PLEKHH1: variants seen among roughly 807,000 people sequenced by gnomAD.
PLEKHH1 encodes pleckstrin homology, MyTH4 and FERM domain containing H1.
Under a neutral mutation model 160.0 loss-of-function variants are expected in PLEKHH1, and 104 were observed. The observed-to-expected ratio is 0.65, with a 90% CI of 0.55 to 0.76. The LOEUF (loss-of-function observed/expected upper bound fraction) is 0.76. PLEKHH1 is among the 30% of genes least tolerant of loss of function. The pLI is 0.00. For missense variants in PLEKHH1, 1,427 were observed against 1,724.1 expected (o/e 0.83, Z 3.05); for synonymous variants, 619 against 678.4 (o/e 0.91, Z 1.36).
rs2035507088 is a variant in PLEKHH1 at position 67,574,014 on chromosome 14, G to A, written c.1926+127G>A. The A allele has an allele frequency of 2.7e-6, 2 of 752,118 alleles. No homozygotes were observed. The highest frequency in any genetic ancestry group is 2.2e-5 in the Admixed American group (1 of 44,540). The allele number at this position is 752,118 out of a possible 1,614,324, so 46.6% of individuals were successfully genotyped here. A position where few individuals can be genotyped will look rare whatever the true frequency, so the allele number is the denominator to read the frequency against. On this transcript the variant is annotated intron_variant, in intron 13 of 28. Coordinates refer to ENST00000329153, the MANE Select transcript of PLEKHH1 (RefSeq NM_020715.3). The surrounding 1 kb of genome is among the most constrained non-coding windows in gnomAD (Gnocchi z 4.2). ...AGACTTCAGATCAACATTTGGACGT[G>A]ATCCTAACTTGTGAGTACAAGAAAG...
intron 2 of PLEKHH1, among the ~76,000 whole-genome samples, chr14:67,547,825 T>G (rs1384275060): frequency 6.6e-6 from 1 of 152,218 alleles, no homozygotes; most frequent in Non-Finnish European, 1.5e-5. Flanking sequence ...AAAAAGAATT[T>G]TTTTAAAAAA....
rs142424141 is a variant in PLEKHH1 at position 67,582,318 on chromosome 14, G to A, written c.3426+108G>A. 3.6e-5 allele frequency: 57 copies of A among 1,566,248 alleles called. No homozygotes were observed. Among genetic ancestry groups the A allele is most frequent in the Non-Finnish European group, 4.6e-5 (53 of 1,153,696 alleles). On this transcript the variant is annotated intron_variant, in intron 24 of 28. Transcript: ENST00000329153. This position sits in a 1 kb window ranked among gnomAD's most constrained non-coding sequence, Gnocchi z 5.0. Reference sequence around the variant, plus strand: ...TCTGCAGATCCTGTGGTGCTCAGGAGAGGGCAGCTTTGCCATCTCTGGGAT... The same window carrying A: ...TCTGCAGATCCTGTGGTGCTCAGGAAAGGGCAGCTTTGCCATCTCTGGGAT...
rs548226211 is a variant in PLEKHH1, at chr14:67,579,052, G to C, written c.2850-82G>C. 3.3e-4 allele frequency: 310 copies of C among 952,120 alleles called. 5 individuals carry two copies. In the South Asian group the frequency reaches 4.4e-3, roughly 14 times the overall value. The allele number at this position is 952,120 out of a possible 1,614,324, so 59.0% of individuals were successfully genotyped here. A position where few individuals can be genotyped will look rare whatever the true frequency, so the allele number is the denominator to read the frequency against. ...TGCCCCAGCTACAGTTTTGGTCCTG[G>C]CTGAGTCTAGATAGGGATCCGGGGT... On this transcript the variant is annotated intron_variant, in intron 20 of 28. Transcript: ENST00000329153.
chr14:67,579,328 G>C lies in PLEKHH1; in HGVS notation c.3027+17G>C, dbSNP rs770156903. The C allele has an allele frequency of 4.1e-6, 6 of 1,480,718 alleles. No homozygotes were observed. Among genetic ancestry groups the C allele is most frequent in the African/African-American group, 1.4e-5 (1 of 70,908 alleles). 91.7% of individuals were successfully genotyped at this position (1,480,718 alleles called of 1,614,324 possible). On this transcript the variant is annotated intron_variant, in intron 21 of 28. Transcript: ENST00000329153. Reference sequence around the variant, plus strand: ...ACTTACCATGTGAGGAGCTGGGCGTGCTCTTTGCCCCGAGTCTTCTCACGT... The same window carrying C: ...ACTTACCATGTGAGGAGCTGGGCGTCCTCTTTGCCCCGAGTCTTCTCACGT...
At chr14:67,559,882 C>T (rs1349404812) in intron 5 of PLEKHH1, among the ~76,000 whole-genome samples, 191 bp downstream of exon 5, 1 of 152,150 alleles carries the variant, frequency 6.6e-6, no homozygotes, top group Non-Finnish European at 1.5e-5. Flanking sequence ...TTGGTTGGGT[C>T]TCCCTGGAGC....
intron 10 of PLEKHH1, 88 bp downstream of exon 10, chr14:67,571,990 T>C: frequency 2.0e-6 from 3 of 1,505,280 alleles, no homozygotes; most frequent in Non-Finnish European, 2.7e-6. Flanking sequence ...CGTCCCCACT[T>C]GATCTGAGCT....
chr14:67,582,102 G>A lies in PLEKHH1; in HGVS notation c.3318G>A (p.Thr1106=), dbSNP rs771715584. 24 of 1,612,750 alleles carry A rather than the reference G, an allele frequency of 1.5e-5. No homozygotes were observed. The East Asian group carries it at 1.6e-4, about 10-fold the overall frequency. ...LYFRSQVKGE[T]DRERLLLASQ... is the part of the protein sequence containing the mutation. ...TTCGCAGTCAAGTCAAAGGGGAGAC[G>A]GACCGAGAACGGCTGCTCCTTGCCT... Residue 1106 remains threonine (T), a synonymous_variant, in exon 24 of 29, where the codon ACG becomes ACA. Transcript: ENST00000329153. This position sits in a 1 kb window ranked among gnomAD's most constrained non-coding sequence, Gnocchi z 5.0.
chr14:67,546,999 A>T (rs61988244), intron 2 of PLEKHH1, among the ~76,000 whole-genome samples: 10,760 of 152,184 alleles, frequency 0.071, 429 homozygotes, highest in East Asian at 0.14. Flanking sequence ...CCACCTTATA[A>T]ACACCATACC....
At chr14:67,572,319 C>A (rs1279920938) in intron 11 of PLEKHH1, 42 bp downstream of exon 11, 2 of 1,523,712 alleles carry the variant, frequency 1.3e-6, no homozygotes, top group Admixed American at 2.0e-5. Flanking sequence ...AAGCAGAATG[C>A]AGCAGAGGCT....
At chr14:67,568,220 T>A (rs1164560243) in intron 7 of PLEKHH1, among the ~76,000 whole-genome samples, 1 of 151,956 alleles carries the variant, frequency 6.6e-6, no homozygotes. Flanking sequence ...GTAGACTGGA[T>A]AAAGAAAATG....
chr14:67,577,339 C>A lies in PLEKHH1; in HGVS notation c.2499C>A (p.Ser833Arg). Residue 833 changes from serine (S) to arginine (R), a missense_variant, in exon 18 of 29, where the codon AGC becomes AGA. By Grantham distance (110) the Ser-to-Arg change is moderately radical (BLOSUM62 -1). Coordinates refer to ENST00000329153, the MANE Select transcript of PLEKHH1 (RefSeq NM_020715.3). ...PLWRHPMLCYSKDGLYASLTT... is the reference protein window; with the variant it reads ...PLWRHPMLCYRKDGLYASLTT... ...GGAGGCACCCCATGCTGTGCTACAG[C>A]AAAGACGGCCTATACGCCTCCCTCA... The A allele has an allele frequency of 1.3e-6, 2 of 1,583,022 alleles. No individual in the cohort carries two copies. The highest frequency in any genetic ancestry group is 1.2e-5 in the South Asian group (1 of 86,102).
At position 67,587,424 on chromosome 14, in the gene PLEKHH1, T is replaced by A. The variant is rs1445791193; in HGVS notation, c.*189T>A. ...TATAATGTTTCAGGGCTCAACTTTT[T>A]AAAATCCAGACCCAGTGTTAAAACC... On this transcript the variant is annotated 3_prime_UTR_variant, in exon 29 of 29. Transcript: ENST00000329153. The A allele has an allele frequency of 3.1e-6, 2 of 644,200 alleles. No homozygotes were observed. The highest frequency in any genetic ancestry group is 5.5e-5 in the East Asian group (2 of 36,464). The allele number at this position is 644,200 out of a possible 1,614,324, so 39.9% of individuals were successfully genotyped here.
intron 9 of PLEKHH1, chr14:67,571,509 C>T (rs992429067): frequency 1.1e-4 from 49 of 440,616 alleles, no homozygotes; most frequent in Non-Finnish European, 1.8e-4. Flanking sequence ...GGCATTCAGT[C>T]GTGATGGGCA....
At chr14:67,584,245 T>C (rs1436968153) in intron 26 of PLEKHH1, 121 bp downstream of exon 26, 2 of 946,342 alleles carry the variant, frequency 2.1e-6, no homozygotes, top group Non-Finnish European at 3.2e-6. Context: ...TCACTATCCC[T>C]CCACTGTTTC....
intron 4 of PLEKHH1, among the ~76,000 whole-genome samples, chr14:67,559,245 T>C (rs2034722021): frequency 6.6e-6 from 1 of 151,426 alleles, no homozygotes; most frequent in South Asian, 2.2e-4. Flanking sequence ...TAGTTAAAAA[T>C]AAAAAAACGG....
chr14:67,544,039 G>A (rs550974605), intron 2 of PLEKHH1, among the ~76,000 whole-genome samples: 1 of 152,210 alleles, frequency 6.6e-6, no homozygotes, highest in African/African-American at 2.4e-5. Context: ...CTGGCCAGCT[G>A]GAGGTTGGAG....
chr14:67,586,091 T>C lies in PLEKHH1; in HGVS notation c.3927T>C (p.Ala1309=). Reference sequence around the variant, plus strand: ...AGAAGTTGATCTTCCGGATGGCTGCTCCCAAGGTAGGTCTGACAGCTGTTA... The same window carrying C: ...AGAAGTTGATCTTCCGGATGGCTGCCCCCAAGGTAGGTCTGACAGCTGTTA... The part of the protein sequence containing the change: ...HIEKLIFRMA[A]PKIAEATFIM... Residue 1309 remains alanine (A), a synonymous_variant, in exon 28 of 29, where the codon GCT becomes GCC. Transcript: ENST00000329153. The C allele has an allele frequency of 6.2e-7, 1 of 1,613,904 alleles. No homozygotes were observed. The highest frequency in any genetic ancestry group is 8.5e-7 in the Non-Finnish European group (1 of 1,179,862).
intron 8 of PLEKHH1, chr14:67,569,628 G>C (rs549486217): frequency 3.1e-5 from 15 of 479,740 alleles, no homozygotes; most frequent in African/African-American, 2.7e-4. Flanking sequence ...TCCCATAGCC[G>C]TATGATTTGT....
In PLEKHH1 at chr14:67,557,395, C is replaced by G. The variant is rs1255105882; in HGVS notation, c.316C>G (p.Leu106Val). ...GGGCAAAGATGAGCTCATCAGCCAG[C>G]TAGAGGCTCAGCTGGAGAAGCAGGT... ...IKGKDELISQ[L>V]EAQLEKQKQM... Residue 106 changes from leucine to valine, a missense_variant, in exon 4 of 29, where the codon CTA becomes GTA. Physicochemically the swap from Leu to Val is conservative, Grantham distance 32. Around this residue, in one of 6 missense-constraint regions of PLEKHH1, gnomAD observed 831 missense variants for 929.2 expected, o/e 0.89. Coordinates refer to ENST00000329153, the MANE Select transcript of PLEKHH1 (RefSeq NM_020715.3). The G allele has an allele frequency of 6.2e-7, 1 of 1,613,686 alleles. No homozygotes were observed. Among genetic ancestry groups the G allele is most frequent in the Non-Finnish European group, 8.5e-7 (1 of 1,179,842 alleles).
Sources: gnomAD v4.1 joint callset for allele counts (sites outside exome capture counted in the v4.1 genomes callset) on GRCh38, gnomAD v4.1.1 for gene constraint, gnomAD v4.1.1 regional missense constraint, Gnocchi (gnomAD v3.1) non-coding constraint, MANE v1.5 for transcripts, NCBI Gene and HGNC (gene_info 2026-07-23, HGNC 2026-07-21) for gene names.